Variants in GPR89B observed in about 807,000 individuals in gnomAD.
The protein encoded by GPR89B is golgi pH regulator B.
A neutral mutation model predicts 52.4 loss-of-function variants in GPR89B; 25 were observed. That is an observed-to-expected ratio of 0.48 (90% CI 0.35 to 0.67). GPR89B has a LOEUF of 0.67. Ranked by LOEUF, GPR89B falls within the 30% of genes least tolerant of loss-of-function variation. The pLI is 0.01. For missense variants in GPR89B, 146 were observed against 450.2 expected, an observed-to-expected ratio of 0.32 and a Z score of 6.11; for synonymous variants, 52 against 151.2, an observed-to-expected ratio of 0.34 and a Z score of 4.81.
the GPR89B span, among the ~76,000 whole-genome samples, chr1:148,017,470 CATGCCTGTA>C: frequency 1.3e-5 from 2 of 150,948 alleles, no homozygotes; most frequent in Non-Finnish European, 2.9e-5. Flanking sequence ...CGCGGTGGTT[CATGCCTGTA>C]ATCCCAGCAC....
At chr1:148,014,274 G>A in the GPR89B span, 2 of 151,934 alleles carry the variant, frequency 1.3e-5, no homozygotes, top group Non-Finnish European at 2.9e-5. Context: ...GCCAAATTCA[G>A]CGTGTAAAAG....
chr1:148,000,960 G>A, the GPR89B span, among the ~76,000 whole-genome samples: 3 of 109,600 alleles, frequency 2.7e-5, no homozygotes, highest in African/African-American at 7.0e-5. Flanking sequence ...AGGCTTTTAT[G>A]TGCAGTTGAT....
chr1:147,981,374 T>C (rs1292905212), intron 10 of GPR89B, among the ~76,000 whole-genome samples: 79 of 149,256 alleles, frequency 5.3e-4, no homozygotes, highest in African/African-American at 1.9e-3. Context: ...TGGAAGTACA[T>C]GCTTGTGGCC....
chr1:147,983,639 A>G (rs1658435905), intron 10 of GPR89B, among the ~76,000 whole-genome samples: 2 of 152,000 alleles, frequency 1.3e-5, no homozygotes, highest in Admixed American at 1.3e-4. Flanking sequence ...ACCATCTCAC[A>G]CCAGTTAGAA....
At chr1:147,934,798 A>G (rs1276559499) in intron 1 of GPR89B, among the ~76,000 whole-genome samples, 1 of 152,112 alleles carries the variant, frequency 6.6e-6, no homozygotes, top group Non-Finnish European at 1.5e-5. Context: ...GAGCTCCTAG[A>G]GGGTAGTAAC....
chr1:148,010,796 T>A, the GPR89B span: 1 of 152,266 alleles, frequency 6.6e-6, no homozygotes, highest in Admixed American at 6.5e-5. Context: ...TGTATTTCCA[T>A]AGAGGTCTGT....
At chr1:147,936,785 G>A (rs1337153542) in intron 2 of GPR89B, 99 bp downstream of exon 2, 9 of 926,522 alleles carry the variant, frequency 9.7e-6, no homozygotes, top group African/African-American at 3.3e-5. Context: ...TCCAAGATAG[G>A]AAGCTTTTAC....
the GPR89B span, chr1:148,014,562 A>ATG: frequency 6.6e-6 from 1 of 151,514 alleles, no homozygotes; most frequent in African/African-American, 2.4e-5. Flanking sequence ...TGACCACTGT[A>ATG]TGTCCCCCGC....
At chr1:147,943,613 T>C in intron 4 of GPR89B, 69 bp downstream of exon 4, 1 of 1,534,040 alleles carries the variant, frequency 6.5e-7, no homozygotes, top group Non-Finnish European at 8.8e-7. Context: ...AAATTGTGGA[T>C]AGCTTCATTT....
the GPR89B span, among the ~76,000 whole-genome samples, chr1:148,013,337 C>A: frequency 6.6e-6 from 1 of 152,274 alleles, no homozygotes; most frequent in East Asian, 1.9e-4. Context: ...CCTCCGGCCG[C>A]CTTCTTCCAG....
rs1174595676 is a variant in GPR89B at position 147,970,491 on chromosome 1, ATCTCTCTCTC to A, written c.909+566_909+575del. Among the ~76,000 whole-genome samples the A allele has an allele frequency of 6.9e-3, 726 of 105,830 alleles. 4 individuals carry two copies. The highest frequency in any genetic ancestry group is 0.023 in the African/African-American group (668 of 29,098). 69.4% of individuals were successfully genotyped at this position (105,830 alleles called of 152,430 possible). On this transcript the variant is annotated intron_variant, in intron 10 of 13. Transcript: ENST00000314163. ...CAGCCTGGGGAGAGGGTGAGACTCCATCTCTCTCTCTCTCTCTCTCTCTCTCTCTCTCTCT... is the reference window on the plus strand; with the variant it reads ...CAGCCTGGGGAGAGGGTGAGACTCCATCTCTCTCTCTCTCTCTCTCTCTCT...
intron 12 of GPR89B, among the ~76,000 whole-genome samples, chr1:147,989,380 A>T (rs1332721630): frequency 1.3e-5 from 2 of 151,924 alleles, no homozygotes; most frequent in Non-Finnish European, 2.9e-5. Context: ...AGTTTCCAAG[A>T]TCCTATAAAT....
At chr1:147,932,155 C>T (rs1397666611) in intron 1 of GPR89B, among the ~76,000 whole-genome samples, 2 of 151,880 alleles carry the variant, frequency 1.3e-5, no homozygotes, top group Admixed American at 6.6e-5. Flanking sequence ...TGTCTTCAGT[C>T]GTGGCTTCAT....
chr1:147,995,276 T>G (rs1415360187), downstream of GPR89B, among the ~76,000 whole-genome samples: 1 of 150,318 alleles, frequency 6.7e-6, no homozygotes, highest in Non-Finnish European at 1.5e-5. Context: ...AGCTGACAAA[T>G]GACAGAACCA....
At chr1:147,981,574 T>C (rs1658255340) in intron 10 of GPR89B, among the ~76,000 whole-genome samples, 5 of 150,802 alleles carry the variant, frequency 3.3e-5, no homozygotes. Flanking sequence ...TTTTTATCCA[T>C]TTATTAGTTG....
intron 1 of GPR89B, among the ~76,000 whole-genome samples, chr1:147,931,433 G>A (rs1653594761): frequency 6.6e-6 from 1 of 152,040 alleles, no homozygotes; most frequent in Admixed American, 6.5e-5. Flanking sequence ...TTAATAAGAA[G>A]CTATACGCCT....
chr1:147,998,667 G>C, the GPR89B span, among the ~76,000 whole-genome samples: 1 of 151,150 alleles, frequency 6.6e-6, no homozygotes, highest in Non-Finnish European at 1.5e-5. Flanking sequence ...ATCACTTGAG[G>C]TCAGGAGTTC....
rs1203420668 is a variant in GPR89B, at chr1:147,940,200, A to G, written c.206+1383A>G. Among the ~76,000 whole-genome samples the G allele has an allele frequency of 1.7e-3, 253 of 151,984 alleles. 1 individual carries two copies. Among genetic ancestry groups the G allele is most frequent in the Middle Eastern group, 3.4e-3 (1 of 294 alleles). ...GGGCGGATCACGAGGTCAGGAGATC[A>G]AGACCATCCTGGCTAACATGGTGAA... On this transcript the variant is annotated intron_variant, in intron 3 of 13. Transcript: ENST00000314163.
At chr1:148,013,785 TC>T in the GPR89B span, among the ~76,000 whole-genome samples, 794 of 151,948 alleles carry the variant, frequency 5.2e-3, 4 homozygotes, top group Non-Finnish European at 6.9e-3. Flanking sequence ...TGCATCCAAC[TC>T]CCTCTCCAAG....
Sources: allele counts gnomAD v4.1 joint callset (sites outside exome capture counted in the v4.1 genomes callset), GRCh38; gene constraint gnomAD v4.1.1; transcripts MANE v1.5; gene names NCBI Gene and HGNC (gene_info 2026-07-23, HGNC 2026-07-21).